The following DSP variants were observed in gnomAD, a reference collection of about 807,000 sequenced individuals.
DSP encodes 250/210 kDa paraneoplastic pemphigus antigen.
DSP carries 114 observed loss-of-function variants against 290.6 expected under a neutral mutation model. The observed-to-expected ratio is 0.39, with a 90% CI of 0.34 to 0.46. The LOEUF is 0.46. Among genes scored for constraint, DSP ranks in the 20% least tolerant of loss-of-function variants. The probability of loss-of-function intolerance (pLI) is 0.99; values close to 1 mark genes in which losing one functional copy is unlikely to be tolerated. For synonymous variants in DSP, 1,311 were observed against 1,316.4 expected (o/e 1.00, Z 0.09); for missense variants, 3,230 against 3,495.8 (o/e 0.92, Z 1.92).
chr6:7,586,090 C>T lies in DSP; in HGVS notation c.*212C>T. The T allele has an allele frequency of 1.7e-6, 1 of 574,318 alleles. No individual in the cohort carries two copies. The highest frequency in any genetic ancestry group is 3.0e-6 in the Non-Finnish European group (1 of 328,250). 35.6% of individuals were successfully genotyped at this position (574,318 alleles called of 1,614,324 possible). ...CTTAAATAAGCAGTACACTTGGATGCAGTGCGTCTGAAGTGCTAATCAGTT... is the reference window on the plus strand; with the variant it reads ...CTTAAATAAGCAGTACACTTGGATGTAGTGCGTCTGAAGTGCTAATCAGTT... On this transcript the variant is annotated 3_prime_UTR_variant, in exon 24 of 24. Transcript: ENST00000379802.
chr6:7,571,741 G>C lies in DSP; in HGVS notation c.1904-101G>C, dbSNP rs1759059994. On this transcript the variant is annotated intron_variant, in intron 14 of 23. Transcript: ENST00000379802. Reference sequence around the variant, plus strand: ...TTCAGAATTGATTCTGAAATTCAAAGGAAGAAGGTATACTTTTAGGTAGTA... The same window carrying C: ...TTCAGAATTGATTCTGAAATTCAAACGAAGAAGGTATACTTTTAGGTAGTA... 26 of 1,494,242 alleles carry C rather than the reference G, an allele frequency of 1.7e-5. 1 individual carries two copies. The South Asian group carries it at 2.6e-4, about 15-fold the overall frequency. 92.6% of individuals were successfully genotyped at this position (1,494,242 alleles called of 1,614,324 possible).
Position 7,582,635 on chromosome 6 carries a change from AT to A in DSP, c.5380-5del. 2 of 1,610,050 alleles carry A rather than the reference AT, an allele frequency of 1.2e-6. No individual in the cohort carries two copies. The highest frequency in any genetic ancestry group is 1.7e-6 in the Non-Finnish European group (2 of 1,176,422). On this transcript the variant is annotated splice_polypyrimidine_tract_variant and splice_region_variant and intron_variant, in intron 23 of 23. Coordinates refer to ENST00000379802, the MANE Select transcript of DSP (RefSeq NM_004415.4). The surrounding 1 kb of genome is among the most constrained non-coding windows in gnomAD (Gnocchi z 4.2). The stretch of plus-strand genomic sequence containing the variant: ...TTTTTTCCCATTTCTTTCTTCTTCA[AT>A]TCCAGGCATCTAATAGGATTCAGGA...
chr6:7,565,540 C>T lies in DSP; in HGVS notation c.939+20C>T, dbSNP rs1055328358. 16 of 1,613,610 alleles carry T rather than the reference C, an allele frequency of 9.9e-6. No individual in the cohort carries two copies. Among genetic ancestry groups the T allele is most frequent in the Non-Finnish European group, 1.2e-5 (14 of 1,179,786 alleles). ...TTCTCCGTAAGTTCACCCCACGCGGCTGTAGATGCTTGTCTTGAGCCTGTT... is the reference window on the plus strand; with the variant it reads ...TTCTCCGTAAGTTCACCCCACGCGGTTGTAGATGCTTGTCTTGAGCCTGTT... On this transcript the variant is annotated intron_variant, in intron 7 of 23. Transcript: ENST00000379802. This position sits in a 1 kb window ranked among gnomAD's most constrained non-coding sequence, Gnocchi z 4.2.
At chr6:7,558,325 T>C (rs1581792990) in intron 3 of DSP, 61 bp downstream of exon 3, 1 of 1,573,238 alleles carries the variant, frequency 6.4e-7, no homozygotes, top group African/African-American at 1.4e-5. Flanking sequence ...CATAACCAGT[T>C]ACACTCAATT....
intron 6 of DSP, among the ~76,000 whole-genome samples, chr6:7,564,089 C>T (rs926571582): frequency 6.6e-6 from 1 of 152,204 alleles, no homozygotes; most frequent in African/African-American, 2.4e-5. Context: ...TGAGCCACTG[C>T]GCCCGGCCTA....
In DSP at chr6:7,579,493, C is replaced by T. The variant is rs372440854; in HGVS notation, c.3303C>T (p.Tyr1101=). 5.5e-5 allele frequency: 88 copies of T among 1,613,698 alleles called. No individual in the cohort carries two copies. Among genetic ancestry groups the T allele is most frequent in the East Asian group, 2.5e-4 (11 of 44,880 alleles). The stretch of plus-strand genomic sequence containing the variant: ...CTAAGCAAAATCTAGACAAGTGCTA[C>T]GGCCAAATAAAAGAACTCAATGAGA... ...KSAKQNLDKC[Y]GQIKELNEKI... The change falls in exon 23 of 24, where the codon TAC becomes TAT. Residue 1101 remains tyrosine, a synonymous_variant. Coordinates refer to ENST00000379802, the MANE Select transcript of DSP (RefSeq NM_004415.4). This position sits in a 1 kb window ranked among gnomAD's most constrained non-coding sequence, Gnocchi z 4.1.
chr6:7,570,455 A>G lies in DSP; in HGVS notation c.1593A>G (p.Glu531=), dbSNP rs1287814184. 1 of 1,614,032 alleles carries G rather than the reference A, an allele frequency of 6.2e-7. No individual in the cohort carries two copies. The highest frequency in any genetic ancestry group is 8.5e-7 in the Non-Finnish European group (1 of 1,180,036). The part of the protein sequence containing the change: ...DLSCKIEQYY[E]AILALWNQLY... ...CTCTTAGGATTGAGCAGTACTACGA[A>G]GCCATCTTGGCTCTGTGGAACCAGC... The change falls in exon 13 of 24, where the codon GAA becomes GAG. Residue 531 remains glutamate, a synonymous_variant. Transcript: ENST00000379802.
chr6:7,541,977 A>T lies in DSP; in HGVS notation c.62A>T (p.Glu21Val). The T allele has an allele frequency of 6.2e-7, 1 of 1,605,612 alleles. No homozygotes were observed. The highest frequency in any genetic ancestry group is 8.5e-7 in the Non-Finnish European group (1 of 1,177,178). ...INTLGRMIRA[E>V]SGPDLRYEVT... ...ACTCTGGGCCGCATGATCCGCGCCGAGTCTGGCCCGGACCTGCGCTACGAG... is the reference window on the plus strand; with the variant it reads ...ACTCTGGGCCGCATGATCCGCGCCGTGTCTGGCCCGGACCTGCGCTACGAG... The change falls in exon 1 of 24, where the codon GAG (glutamate) becomes GTG (valine). Residue 21 changes from glutamate to valine, a missense_variant. Physicochemically the swap from Glu to Val is moderately radical, Grantham distance 121. Around this residue, in one of 5 missense-constraint regions of DSP, gnomAD observed 646 missense variants for 684.3 expected, o/e 0.94. Transcript: ENST00000379802.
intron 12 of DSP, 134 bp downstream of exon 12, chr6:7,569,474 T>C: frequency 1.5e-6 from 2 of 1,318,264 alleles, no homozygotes; most frequent in Non-Finnish European, 2.2e-6. Context: ...AAAAGGAACC[T>C]TGTGAAGGTC....
chr6:7,577,954 C>T (rs1308946243), intron 21 of DSP, 68 bp downstream of exon 21: 2 of 1,276,516 alleles, frequency 1.6e-6, no homozygotes, highest in African/African-American at 1.5e-5. Flanking sequence ...TCCCTGTCTC[C>T]TGCCTCTTCC....
chr6:7,582,758 G>A lies in DSP; in HGVS notation c.5496G>A (p.Leu1832=), dbSNP rs775012979. 1 of 1,613,862 alleles carries A rather than the reference G, an allele frequency of 6.2e-7. No individual in the cohort carries two copies. The change falls in exon 24 of 24, where the codon CTG becomes CTA. Residue 1832 remains leucine (L), a synonymous_variant. Transcript: ENST00000379802. The surrounding 1 kb of genome is among the most constrained non-coding windows in gnomAD (Gnocchi z 4.2). ...AAGACAAGGCAAGGCTGCAGAGGCTGGAGGATGAGCTGAATCGTGCAAAAT... is the reference window on the plus strand; with the variant it reads ...AAGACAAGGCAAGGCTGCAGAGGCTAGAGGATGAGCTGAATCGTGCAAAAT... ...LEQDKARLQR[L]EDELNRAKST...
intron 19 of DSP, 113 bp downstream of exon 19, chr6:7,576,569 T>G: frequency 7.4e-7 from 1 of 1,359,338 alleles, no homozygotes; most frequent in Non-Finnish European, 1.0e-6. Flanking sequence ...TATTTAATAT[T>G]ACTAACCCAT....
chr6:7,581,326 C>G lies in DSP; in HGVS notation c.5136C>G (p.Asn1712Lys). The G allele has an allele frequency of 1.9e-6, 3 of 1,614,164 alleles. No homozygotes were observed. The highest frequency in any genetic ancestry group is 2.5e-6 in the Non-Finnish European group (3 of 1,180,030). ...AGAGGCTGCAGTCTCTCACAGAGAA[C>G]CTGACCAAGGAGCACTTGATGTTAG... ...EIERLQSLTENLTKEHLMLEE... is the reference protein window; with the variant it reads ...EIERLQSLTEKLTKEHLMLEE... The change falls in exon 23 of 24, where the codon AAC (asparagine) becomes AAG (lysine). Residue 1712 changes from asparagine (N) to lysine (K), a missense_variant. Transcript: ENST00000379802.
rs1758169694 is a variant in DSP, at chr6:7,546,325, G to A, written c.170+4240G>A. ...CACTTTTCTGGGAAATTATTGCAAA[G>A]CAAGATTTAGTTTAGCTTAATATAC... is the stretch of plus-strand genomic sequence containing the variant. On this transcript the variant is annotated intron_variant, in intron 1 of 23. Transcript: ENST00000379802. 2.0e-5 allele frequency among the ~76,000 whole-genome samples: 3 copies of A among 152,174 alleles called. No individual in the cohort carries two copies. The South Asian group carries it at 6.2e-4, about 32-fold the overall frequency.
chr6:7,542,234 CA>C lies in DSP; in HGVS notation c.170+150del, dbSNP rs1581778128. On this transcript the variant is annotated intron_variant, in intron 1 of 23. Coordinates refer to ENST00000379802, the MANE Select transcript of DSP (RefSeq NM_004415.4). Reference sequence around the variant, plus strand: ...AAGAACTTCCCGGCCGCGCTGGGAGCAGGACCGGGTGTCCTGACGCGTGCGG... The same window carrying C: ...AAGAACTTCCCGGCCGCGCTGGGAGCGGACCGGGTGTCCTGACGCGTGCGG... 5 of 1,100,028 alleles carry C rather than the reference CA, an allele frequency of 4.5e-6. No homozygotes were observed. The East Asian group carries it at 1.3e-4, about 29-fold the overall frequency. The allele number at this position is 1,100,028 out of a possible 1,614,324, so 68.1% of individuals were successfully genotyped here. A position where few individuals can be genotyped will look rare whatever the true frequency, so the allele number is the denominator to read the frequency against.
At chr6:7,560,938 C>G (rs1038711688) in intron 4 of DSP, among the ~76,000 whole-genome samples, 5 of 149,202 alleles carry the variant, frequency 3.4e-5, no homozygotes, top group African/African-American at 1.2e-4. Context: ...CACATGAATT[C>G]AGTTTTATGT....
Position 7,579,686 on chromosome 6 carries a change from GAGA to G in DSP, c.3499_3501del (p.Lys1167del), listed in dbSNP as rs1554108091. On this transcript the variant is annotated inframe_deletion, in exon 23 of 24. Coordinates refer to ENST00000379802, the MANE Select transcript of DSP (RefSeq NM_004415.4). This position sits in a 1 kb window ranked among gnomAD's most constrained non-coding sequence, Gnocchi z 4.1. ...ATTAGAGTCTGAGAAAGCCATCAAG[GAGA>G]AGGAGTACGAGATTGAAAGGTTGAG... The G allele has an allele frequency of 3.1e-6, 5 of 1,613,852 alleles. No homozygotes were observed. Among genetic ancestry groups the G allele is most frequent in the Non-Finnish European group, 4.2e-6 (5 of 1,179,914 alleles).
chr6:7,584,874 C>T lies in DSP; in HGVS notation c.7612C>T (p.Leu2538Phe), dbSNP rs1759583454. The T allele has an allele frequency of 6.2e-7, 1 of 1,614,170 alleles. No individual in the cohort carries two copies. The highest frequency in any genetic ancestry group is 1.3e-5 in the African/African-American group (1 of 75,042). Residue 2538 changes from leucine (L) to phenylalanine (F), a missense_variant, in exon 24 of 24, where the codon CTT becomes TTT. Physicochemically the swap from Leu to Phe is conservative, Grantham distance 22 (BLOSUM62 0). Around this residue, in one of 5 missense-constraint regions of DSP, gnomAD observed 582 missense variants for 555.4 expected, o/e 1.05. Transcript: ENST00000379802. The surrounding 1 kb of genome is among the most constrained non-coding windows in gnomAD (Gnocchi z 6.4). ...YDIQDAIDKG[L>F]VDRKFFDQYR... ...TATTCAAGATGCTATTGACAAGGGCCTTGTTGACAGGAAGTTCTTTGATCA... is the reference window on the plus strand; with the variant it reads ...TATTCAAGATGCTATTGACAAGGGCTTTGTTGACAGGAAGTTCTTTGATCA...
chr6:7,579,462 A>G lies in DSP; in HGVS notation c.3272A>G (p.Lys1091Arg), dbSNP rs549620069. The G allele has an allele frequency of 1.2e-6, 2 of 1,614,166 alleles. No homozygotes were observed. The highest frequency in any genetic ancestry group is 1.3e-5 in the African/African-American group (1 of 75,054). ...ELKRQAELDG[K>R]SAKQNLDKCY... ...AAGAGACAGGCTGAGCTGGATGGGA[A>G]GTCGGCTAAGCAAAATCTAGACAAG... Residue 1091 changes from lysine to arginine, a missense_variant, in exon 23 of 24, where the codon AAG (lysine) becomes AGG (arginine). Transcript: ENST00000379802. The surrounding 1 kb of genome is among the most constrained non-coding windows in gnomAD (Gnocchi z 4.1).
Sources: gnomAD v4.1 joint callset for allele counts (sites outside exome capture counted in the v4.1 genomes callset) on GRCh38, gnomAD v4.1.1 for gene constraint, gnomAD v4.1.1 regional missense constraint, Gnocchi (gnomAD v3.1) non-coding constraint, MANE v1.5 for transcripts, NCBI Gene and HGNC (gene_info 2026-07-23, HGNC 2026-07-21) for gene names.